Variants in TMEM117 observed in about 807,000 individuals in gnomAD.
TMEM117 encodes the protein transmembrane protein 117.
In TMEM117, 27 loss-of-function variants were observed where a neutral mutation model predicts 52.4. That is an observed-to-expected ratio of 0.51 (90% CI 0.38 to 0.71). The LOEUF (loss-of-function observed/expected upper bound fraction) is 0.71. TMEM117 is among the 30% of genes least tolerant of loss of function. The pLI is 0.00. For synonymous variants in TMEM117, 215 were observed against 206.3 expected, an observed-to-expected ratio of 1.04 and a Z score of -0.36; for missense variants, 556 against 630.5, an observed-to-expected ratio of 0.88 and a Z score of 1.26.
chr12:43,834,538 A>G (rs1943002267), upstream of TMEM117, among the ~76,000 whole-genome samples: 1 of 152,230 alleles, frequency 6.6e-6, no homozygotes, highest in African/African-American at 2.4e-5. Flanking sequence ...TTCTGGCAAA[A>G]CTTGTTAAAG....
intron 3 of TMEM117, among the ~76,000 whole-genome samples, chr12:43,955,821 G>A (rs959103171): frequency 3.4e-4 from 51 of 152,200 alleles, no homozygotes; most frequent in African/African-American, 8.4e-4. Context: ...AAAAGAGCTC[G>A]CATAGCTAAA....
chr12:43,872,093 G>A (rs1241283306), intron 2 of TMEM117, among the ~76,000 whole-genome samples: 1 of 152,056 alleles, frequency 6.6e-6, no homozygotes, highest in Non-Finnish European at 1.5e-5. Context: ...GTAGAGATGG[G>A]GTCTTGCCTT....
chr12:43,907,684 A>T (rs1439472312), intron 2 of TMEM117, among the ~76,000 whole-genome samples: 1 of 151,756 alleles, frequency 6.6e-6, no homozygotes. Context: ...AAGGCTCGAG[A>T]ACTACATGAA....
chr12:44,358,009 A>G (rs572379525), intron 6 of TMEM117, among the ~76,000 whole-genome samples: 1 of 152,252 alleles, frequency 6.6e-6, no homozygotes, highest in South Asian at 2.1e-4. Context: ...GAACAAAACC[A>G]TGTCCTTTTC....
At chr12:43,805,773 C>T in the TMEM117 span, 1 of 1,349,428 alleles carries the variant, frequency 7.4e-7, no homozygotes, top group East Asian at 4.5e-5. Flanking sequence ...TGGCATGGTT[C>T]TTTTTGTAAT....
At chr12:43,823,497 T>C in the TMEM117 span, among the ~76,000 whole-genome samples, 2 of 152,080 alleles carry the variant, frequency 1.3e-5, no homozygotes, top group Non-Finnish European at 2.9e-5. Context: ...GAGTGTAATT[T>C]CATTTTTATT....
intron 1 of TMEM117, among the ~76,000 whole-genome samples, chr12:43,836,558 G>C (rs909125178): frequency 9.9e-5 from 15 of 152,084 alleles, no homozygotes; most frequent in African/African-American, 3.4e-4. Flanking sequence ...AACTTTCCTT[G>C]CTTCAGCGAT....
chr12:44,141,824 C>T (rs1315243303), intron 3 of TMEM117, among the ~76,000 whole-genome samples: 1 of 152,090 alleles, frequency 6.6e-6, no homozygotes, highest in Non-Finnish European at 1.5e-5. Flanking sequence ...GTGAATTCAA[C>T]ATGAATTGAA....
intron 3 of TMEM117, among the ~76,000 whole-genome samples, chr12:44,139,532 GA>G (rs1014021422): frequency 1.3e-5 from 2 of 151,658 alleles, no homozygotes; most frequent in East Asian, 3.9e-4. Flanking sequence ...AAATCTCGAG[GA>G]AAAAATAATT....
chr12:43,974,573 G>C (rs1945642447), intron 3 of TMEM117, among the ~76,000 whole-genome samples: 1 of 151,996 alleles, frequency 6.6e-6, no homozygotes, highest in African/African-American at 2.4e-5. Flanking sequence ...TGAGAAGACT[G>C]CTCCTTGGAA....
rs148425670 is a variant in TMEM117 at position 44,072,823 on chromosome 12, G to A, written c.411-70702G>A. On this transcript the variant is annotated intron_variant, in intron 3 of 7. Coordinates refer to ENST00000266534, the MANE Select transcript of TMEM117 (RefSeq NM_032256.3). ...AACCACATTGTCGGCCAGGCACTGT[G>A]GCTCACGCCTGTAATCCCAGCACTT... Among the ~76,000 whole-genome samples the A allele has an allele frequency of 2.8e-3, 433 of 152,262 alleles. 5 individuals carry two copies. The highest frequency in any genetic ancestry group is 9.3e-3 in the African/African-American group (388 of 41,544).
rs184577423 is a variant in TMEM117 at position 44,251,742 on chromosome 12, G to A, written c.608+40355G>A. On this transcript the variant is annotated intron_variant, in intron 5 of 7. Coordinates refer to ENST00000266534, the MANE Select transcript of TMEM117 (RefSeq NM_032256.3). ...TAACTCTATACCCTGGGTGGTCAAAGAAAATATTTAAAGTCATTTATTTAC... is the reference window on the plus strand; with the variant it reads ...TAACTCTATACCCTGGGTGGTCAAAAAAAATATTTAAAGTCATTTATTTAC... Among the ~76,000 whole-genome samples, 8 of 152,244 alleles carry A rather than the reference G, an allele frequency of 5.3e-5. No homozygotes were observed. In the East Asian group the frequency reaches 1.3e-3, roughly 26 times the overall value.
chr12:44,092,891 A>G (rs1306589290), intron 3 of TMEM117, among the ~76,000 whole-genome samples: 3 of 152,210 alleles, frequency 2.0e-5, no homozygotes, highest in Non-Finnish European at 1.5e-5. Flanking sequence ...CTTAAATTCA[A>G]TAAAGGAGGA....
intron 3 of TMEM117, among the ~76,000 whole-genome samples, chr12:43,958,498 G>A (rs1367327326): frequency 6.6e-6 from 1 of 152,050 alleles, no homozygotes; most frequent in Non-Finnish European, 1.5e-5. Flanking sequence ...AGTGATACAG[G>A]CAATTTTGAA....
intron 4 of TMEM117, among the ~76,000 whole-genome samples, chr12:44,152,990 C>A (rs1948776499): frequency 6.6e-6 from 1 of 150,774 alleles, no homozygotes. Flanking sequence ...GGTGGGCCTG[C>A]AGGAGGTGCT....
chr12:43,818,989 C>T, the TMEM117 span, among the ~76,000 whole-genome samples: 28 of 152,248 alleles, frequency 1.8e-4, no homozygotes, highest in African/African-American at 6.5e-4. Flanking sequence ...ATAGGGTTCC[C>T]ATAATTCTCC....
At chr12:44,152,709 A>G (rs1384692839) in intron 4 of TMEM117, among the ~76,000 whole-genome samples, 2 of 135,172 alleles carry the variant, frequency 1.5e-5, no homozygotes, top group African/African-American at 2.7e-5. Flanking sequence ...ATTTTTATAT[A>G]TACTATATAT....
At chr12:44,078,875 C>G (rs547170197) in intron 3 of TMEM117, among the ~76,000 whole-genome samples, 6 of 145,522 alleles carry the variant, frequency 4.1e-5, no homozygotes, top group Admixed American at 6.9e-5. Context: ...CCCCCACCCC[C>G]CAACAGGCCC....
intron 3 of TMEM117, among the ~76,000 whole-genome samples, chr12:44,083,317 C>T (rs891229425): frequency 1.3e-5 from 2 of 151,198 alleles, no homozygotes; most frequent in Non-Finnish European, 1.5e-5. Context: ...AATGTTTGTG[C>T]CAGTTTACAC....
Sources: gnomAD v4.1 joint callset for allele counts (sites outside exome capture counted in the v4.1 genomes callset) on GRCh38, gnomAD v4.1.1 for gene constraint, MANE v1.5 for transcripts, NCBI Gene and HGNC (gene_info 2026-07-23, HGNC 2026-07-21) for gene names.